PDIA3: variants seen among roughly 807,000 people sequenced by gnomAD.
The protein encoded by PDIA3 is protein disulfide isomerase family A member 3.
Under a neutral mutation model 56.9 loss-of-function variants are expected in PDIA3, and 16 were observed. The ratio of observed to expected loss-of-function variants is 0.28; its 90% CI spans 0.19 to 0.43. The LOEUF is 0.43. Ranked by LOEUF, PDIA3 falls within the 20% of genes least tolerant of loss-of-function variation. The pLI is 1.00. For missense variants in PDIA3, 485 were observed against 621.3 expected (o/e 0.78, Z 2.33); for synonymous variants, 192 against 216.5 (o/e 0.89, Z 0.99).
intron 3 of PDIA3, among the ~76,000 whole-genome samples, chr15:43,758,747 A>C (rs1334141628): frequency 6.6e-6 from 1 of 152,040 alleles, no homozygotes; most frequent in African/African-American, 2.4e-5. Context: ...AGGCCAAGGT[A>C]GGCTGATCAC....
chr15:43,762,382 A>G (rs1423751305), intron 4 of PDIA3, among the ~76,000 whole-genome samples: 1 of 152,020 alleles, frequency 6.6e-6, no homozygotes, highest in Non-Finnish European at 1.5e-5. Flanking sequence ...ATGGTGGTGC[A>G]TGCCTGTAAT....
At chr15:43,759,024 C>G (rs956423255) in intron 3 of PDIA3, among the ~76,000 whole-genome samples, 3 of 151,946 alleles carry the variant, frequency 2.0e-5, no homozygotes, top group South Asian at 2.1e-4. Context: ...GGCGTGGTGG[C>G]TCACGTCTGT....
At chr15:43,757,966 C>T (rs966958289) in intron 3 of PDIA3, among the ~76,000 whole-genome samples, 4 of 151,774 alleles carry the variant, frequency 2.6e-5, no homozygotes, top group Admixed American at 1.3e-4. Flanking sequence ...CGAAATAGGC[C>T]GGGCGCGGTG....
In PDIA3 at chr15:43,771,733, T is replaced by C. The variant is rs528568906; in HGVS notation, c.*515T>C. 1 of 398,166 alleles carries C rather than the reference T, an allele frequency of 2.5e-6. No individual in the cohort carries two copies. The highest frequency in any genetic ancestry group is 4.4e-6 in the Non-Finnish European group (1 of 226,272). 24.7% of individuals were successfully genotyped at this position (398,166 alleles called of 1,614,324 possible). ...TTAAATAGCCATACAGTTGCTACCATACTGGTCACGGCAGCTGTAGACTGA... is the reference window on the plus strand; with the variant it reads ...TTAAATAGCCATACAGTTGCTACCACACTGGTCACGGCAGCTGTAGACTGA... On this transcript the variant is annotated 3_prime_UTR_variant, in exon 13 of 13. Transcript: ENST00000300289.
At chr15:43,748,757 G>T (rs72714307) in intron 1 of PDIA3, among the ~76,000 whole-genome samples, 24,273 of 150,806 alleles carry the variant, frequency 0.16, 2,489 homozygotes, top group East Asian at 0.31. Flanking sequence ...CATTTTTTTT[G>T]TGTGTGTGTT....
chr15:43,764,585 A>C (rs1180019387), intron 5 of PDIA3, among the ~76,000 whole-genome samples: 1 of 152,208 alleles, frequency 6.6e-6, no homozygotes, highest in East Asian at 1.9e-4. Flanking sequence ...CTCCTGCCTC[A>C]GCCTCCTGAG....
At position 43,772,942 on chromosome 15, in the gene PDIA3, C is replaced by G. The variant is rs969105815; in HGVS notation, c.*1724C>G. On this transcript the variant is annotated 3_prime_UTR_variant, in exon 13 of 13. Transcript: ENST00000300289. ...GGAGTCTTTGCACAGTGCCCATACCCTAAAAATTAATAATGAAAACCAAAC... is the reference window on the plus strand; with the variant it reads ...GGAGTCTTTGCACAGTGCCCATACCGTAAAAATTAATAATGAAAACCAAAC... The G allele has an allele frequency of 6.5e-6, 4 of 610,706 alleles. No individual in the cohort carries two copies. The highest frequency in any genetic ancestry group is 1.1e-5 in the Non-Finnish European group (4 of 357,924). The allele number at this position is 610,706 out of a possible 1,614,324, so 37.8% of individuals were successfully genotyped here.
At chr15:43,758,644 C>T (rs2086795054) in intron 3 of PDIA3, among the ~76,000 whole-genome samples, 2 of 122,066 alleles carry the variant, frequency 1.6e-5, no homozygotes, top group Admixed American at 9.7e-5. Flanking sequence ...GGGAACAACG[C>T]AAGACTCCGT....
At chr15:43,766,412 G>T (rs928399612) in intron 7 of PDIA3, among the ~76,000 whole-genome samples, 1 of 152,190 alleles carries the variant, frequency 6.6e-6, no homozygotes, top group African/African-American at 2.4e-5. Flanking sequence ...GAGCCTCTCA[G>T]TGCATTTTAC....
At chr15:43,770,424 T>G (rs1596026207) in intron 11 of PDIA3, 95 bp downstream of exon 11, 1 of 1,367,652 alleles carries the variant, frequency 7.3e-7, no homozygotes, top group East Asian at 2.3e-5. Context: ...AGTTTTCATA[T>G]TCAGTTGAAG....
intron 8 of PDIA3, among the ~76,000 whole-genome samples, chr15:43,768,037 A>C (rs2086859355): frequency 1.3e-5 from 2 of 152,062 alleles, no homozygotes; most frequent in South Asian, 4.1e-4. Flanking sequence ...CCTCATCCCT[A>C]CAGAATGTAT....
intron 1 of PDIA3, among the ~76,000 whole-genome samples, chr15:43,750,857 G>T (rs560788805): frequency 6.6e-6 from 1 of 151,964 alleles, no homozygotes; most frequent in African/African-American, 2.4e-5. Flanking sequence ...TAATGGCTGG[G>T]TGCAAAGGCT....
intron 3 of PDIA3, among the ~76,000 whole-genome samples, chr15:43,757,576 G>A (rs1440289663): frequency 6.9e-6 from 1 of 144,258 alleles, no homozygotes; most frequent in African/African-American, 2.6e-5. Flanking sequence ...AAAAAAAAGT[G>A]TGGGCCAGGC....
chr15:43,770,897 C>T (rs1333824280), intron 12 of PDIA3, among the ~76,000 whole-genome samples: 1 of 152,176 alleles, frequency 6.6e-6, no homozygotes, highest in Admixed American at 6.5e-5. Flanking sequence ...GATCAGCCTG[C>T]CTTGGCCTCC....
intron 1 of PDIA3, among the ~76,000 whole-genome samples, chr15:43,749,173 A>G (rs1345819012): frequency 1.3e-5 from 2 of 151,638 alleles, no homozygotes; most frequent in African/African-American, 2.4e-5. Flanking sequence ...GGCTCACTGC[A>G]ACCTCCGCCT....
chr15:43,761,618 C>G (rs2086816798), intron 4 of PDIA3, 87 bp downstream of exon 4: 2 of 728,546 alleles, frequency 2.7e-6, no homozygotes, highest in South Asian at 3.5e-5. Flanking sequence ...AGAATTAAAG[C>G]AGTTAAGGAA....
chr15:43,747,041 T>C, intron 1 of PDIA3: 1 of 319,736 alleles, frequency 3.1e-6, no homozygotes, highest in Non-Finnish European at 5.9e-6. Context: ...TCAGTATTAA[T>C]GCTCCTCCAG....
chr15:43,771,621 A>C lies in PDIA3; in HGVS notation c.*403A>C. The C allele has an allele frequency of 4.9e-6, 2 of 411,168 alleles. No homozygotes were observed. The highest frequency in any genetic ancestry group is 1.1e-4 in the South Asian group (1 of 9,146). 25.5% of individuals were successfully genotyped at this position (411,168 alleles called of 1,614,324 possible). On this transcript the variant is annotated 3_prime_UTR_variant, in exon 13 of 13. Coordinates refer to ENST00000300289, the MANE Select transcript of PDIA3 (RefSeq NM_005313.5). The stretch of plus-strand genomic sequence containing the variant: ...TCAATAGAGCTTTCTTCAGTGATGG[A>C]AATGCTCTGTAATCTACACTGTTCA...
At chr15:43,751,152 T>TA (rs2086741579) in intron 1 of PDIA3, among the ~76,000 whole-genome samples, 1 of 145,026 alleles carries the variant, frequency 6.9e-6, no homozygotes, top group African/African-American at 2.5e-5. Flanking sequence ...AAAAAAATAA[T>TA]ATATGTGCTA....
Sources: allele counts gnomAD v4.1 joint callset (sites outside exome capture counted in the v4.1 genomes callset), GRCh38; gene constraint gnomAD v4.1.1; transcripts MANE v1.5; gene names NCBI Gene and HGNC (gene_info 2026-07-23, HGNC 2026-07-21).